The following DSCAM variants were observed in gnomAD, a reference collection of about 807,000 sequenced individuals.
DSCAM encodes the protein cell adhesion molecule DSCAM.
In DSCAM, 47 loss-of-function variants were observed where a neutral mutation model predicts 217.7. That is an observed-to-expected ratio of 0.22 (90% CI 0.17 to 0.28). The LOEUF (loss-of-function observed/expected upper bound fraction) is 0.28. Among genes scored for constraint, DSCAM ranks in the 10% least tolerant of loss-of-function variants. DSCAM has a pLI of 1.00. For synonymous variants in DSCAM, 1,056 were observed against 1,015.3 expected, an observed-to-expected ratio of 1.04 and a Z score of -0.76; for missense variants, 2,080 against 2,618.3, an observed-to-expected ratio of 0.79 and a Z score of 4.49.
intron 8 of DSCAM, among the ~76,000 whole-genome samples, chr21:40,335,951 T>C (rs2074425895): frequency 6.6e-6 from 1 of 152,216 alleles, no homozygotes; most frequent in Non-Finnish European, 1.5e-5. Context: ...TTCATTGTAC[T>C]GTTTACCGAT....
intron 3 of DSCAM, among the ~76,000 whole-genome samples, chr21:40,422,258 A>G (rs2075431630): frequency 6.6e-6 from 1 of 152,238 alleles, no homozygotes; most frequent in African/African-American, 2.4e-5. Context: ...CTTCGAGGGC[A>G]TATACCCTAA....
chr21:40,348,149 C>A (rs1281211609), intron 5 of DSCAM, among the ~76,000 whole-genome samples: 1 of 151,242 alleles, frequency 6.6e-6, no homozygotes, highest in African/African-American at 2.4e-5. Context: ...TTCCCATCAG[C>A]CACATTATTG....
chr21:40,493,243 G>A (rs2076090416), intron 3 of DSCAM, among the ~76,000 whole-genome samples: 2 of 152,010 alleles, frequency 1.3e-5, no homozygotes, highest in African/African-American at 4.8e-5. Flanking sequence ...ATTATTAGGA[G>A]AAATAAAGGA....
intron 3 of DSCAM, among the ~76,000 whole-genome samples, chr21:40,677,456 C>G (rs2146415260): frequency 6.6e-6 from 1 of 152,220 alleles, no homozygotes; most frequent in East Asian, 1.9e-4. Flanking sequence ...CAAAAAAGGC[C>G]TGGACTGTTG....
chr21:40,155,624 G>T (rs2090467602), intron 16 of DSCAM, among the ~76,000 whole-genome samples: 1 of 152,254 alleles, frequency 6.6e-6, no homozygotes, highest in Non-Finnish European at 1.5e-5. Flanking sequence ...CATGAAAAAT[G>T]CTCGGAAGTA....
intron 26 of DSCAM, among the ~76,000 whole-genome samples, chr21:40,078,435 C>T (rs532068936): frequency 3.9e-5 from 6 of 152,208 alleles, no homozygotes; most frequent in Non-Finnish European, 5.9e-5. Flanking sequence ...AGAGAAATCA[C>T]TCCTGCCCCA....
At chr21:40,273,447 C>T (rs1157492701) in intron 11 of DSCAM, among the ~76,000 whole-genome samples, 1 of 152,178 alleles carries the variant, frequency 6.6e-6, no homozygotes, top group Admixed American at 6.5e-5. Context: ...ATGTTCTCCT[C>T]TCCCATCTCC....
chr21:40,126,065 G>A (rs2090089841), intron 19 of DSCAM, among the ~76,000 whole-genome samples: 1 of 152,182 alleles, frequency 6.6e-6, no homozygotes, highest in African/African-American at 2.4e-5. Context: ...CGTGTCATGG[G>A]TAGTACTGTA....
intron 3 of DSCAM, among the ~76,000 whole-genome samples, chr21:40,515,398 T>C (rs2076291887): frequency 6.6e-6 from 1 of 152,188 alleles, no homozygotes; most frequent in African/African-American, 2.4e-5. Flanking sequence ...CTTTCTCTCA[T>C]TCTAATGAAA....
intron 1 of DSCAM, among the ~76,000 whole-genome samples, chr21:40,805,929 C>T (rs531307521): frequency 9.1e-4 from 138 of 152,172 alleles, no homozygotes; most frequent in African/African-American, 3.2e-3. Context: ...AGGATGGTCT[C>T]GATCTCCTGA....
At chr21:40,100,230 A>G (rs1037835666) in intron 20 of DSCAM, among the ~76,000 whole-genome samples, 3 of 152,154 alleles carry the variant, frequency 2.0e-5, no homozygotes, top group Non-Finnish European at 4.4e-5. Context: ...GGTAGGAGAA[A>G]AAAGAAAAAA....
intron 32 of DSCAM, among the ~76,000 whole-genome samples, chr21:40,015,452 TAG>T (rs1054496261): frequency 2.7e-5 from 4 of 150,606 alleles, no homozygotes; most frequent in Non-Finnish European, 5.9e-5. Context: ...CAAGAAGAGA[TAG>T]AGTCTTGCTC....
chr21:40,659,275 T>C (rs2090110074), intron 3 of DSCAM, among the ~76,000 whole-genome samples: 1 of 152,210 alleles, frequency 6.6e-6, no homozygotes, highest in African/African-American at 2.4e-5. Context: ...GATTGTCTGG[T>C]GTACTCCTGT....
intron 3 of DSCAM, among the ~76,000 whole-genome samples, chr21:40,405,582 G>A (rs1199826189): frequency 6.6e-6 from 1 of 152,054 alleles, no homozygotes; most frequent in Non-Finnish European, 1.5e-5. Flanking sequence ...AAAATGAAAG[G>A]AAATATTTGC....
At chr21:40,755,471 TAAA>T (rs758605687) in intron 1 of DSCAM, among the ~76,000 whole-genome samples, 1 of 139,386 alleles carries the variant, frequency 7.2e-6, no homozygotes, top group Non-Finnish European at 1.6e-5. Context: ...AAATAAAAAA[TAAA>T]AAAGTTTTTA....
intron 21 of DSCAM, among the ~76,000 whole-genome samples, chr21:40,091,913 C>T (rs2089615575): frequency 6.6e-6 from 1 of 152,158 alleles, no homozygotes; most frequent in Non-Finnish European, 1.5e-5. Flanking sequence ...CGTCCCATGA[C>T]ACTTGGAAAT....
intron 1 of DSCAM, among the ~76,000 whole-genome samples, chr21:40,794,385 G>T (rs2091672582): frequency 6.6e-6 from 1 of 152,058 alleles, no homozygotes; most frequent in Non-Finnish European, 1.5e-5. Context: ...AGAAGTGGCT[G>T]CTTTTTCCAT....
intron 1 of DSCAM, among the ~76,000 whole-genome samples, chr21:40,839,650 T>G (rs2092084394): frequency 6.6e-6 from 1 of 152,140 alleles, no homozygotes; most frequent in East Asian, 1.9e-4. Context: ...TTTTTTTGTT[T>G]TTTTCTCCTA....
chr21:40,595,433 G>A (rs1445770376), intron 3 of DSCAM, among the ~76,000 whole-genome samples: 4 of 151,788 alleles, frequency 2.6e-5, no homozygotes, highest in Non-Finnish European at 4.4e-5. Context: ...GGAAGGGAGA[G>A]AAGAGAAAAA....
Sources: gnomAD v4.1 joint callset for allele counts (sites outside exome capture counted in the v4.1 genomes callset) on GRCh38, gnomAD v4.1.1 for gene constraint, MANE v1.5 for transcripts, NCBI Gene and HGNC (gene_info 2026-07-23, HGNC 2026-07-21) for gene names.